ZNF385A: variants seen among roughly 807,000 people sequenced by gnomAD.
The protein encoded by ZNF385A is zinc finger protein 385A.
ZNF385A carries 14 observed loss-of-function variants against 32.1 expected under a neutral mutation model. That is an observed-to-expected ratio of 0.44 (90% CI 0.29 to 0.68). The LOEUF (loss-of-function observed/expected upper bound fraction) is 0.68, where lower values mean the gene tolerates loss of function less well. Among genes scored for constraint, ZNF385A ranks in the 30% least tolerant of loss-of-function variants. The pLI, the probability that ZNF385A is intolerant of heterozygous loss-of-function variation, is 0.14. For missense variants in ZNF385A, 406 were observed against 478.4 expected (o/e 0.85, Z 1.41); for synonymous variants, 197 against 202.7 (o/e 0.97, Z 0.24).
At position 54,384,467 on chromosome 12, in the gene ZNF385A, C is replaced by T; in HGVS notation, c.48G>A (p.Glu16=). The part of the protein sequence containing the change: ...DLKQILPFPL[E]PAPTLGLFSN... The stretch of plus-strand genomic sequence containing the variant: ...TGAAGAGGCCAAGGGTAGGGGCTGG[C>T]TCGAGTGGGAAGGGCAGGATCTGCT... The change falls in exon 1 of 7, where the codon GAG becomes GAA. Residue 16 remains glutamate (E), a synonymous_variant. Transcript: ENST00000394313. 6.3e-7 allele frequency: 1 copy of T among 1,590,576 alleles called. No individual in the cohort carries two copies. Among genetic ancestry groups the T allele is most frequent in the Non-Finnish European group, 8.6e-7 (1 of 1,169,196 alleles).
At chr12:54,389,764 G>A (rs899841163) in intron 1 of ZNF385A, among the ~76,000 whole-genome samples, 22 of 152,138 alleles carry the variant, frequency 1.4e-4, no homozygotes, top group Non-Finnish European at 1.0e-4. Flanking sequence ...AGTGCAATGT[G>A]TGCTGGTGGG....
In ZNF385A at chr12:54,384,520, G is replaced by A; in HGVS notation, c.-6C>T. ...AGGTCCAGTGGGGGCTGCATGATCG[G>A]GGGCTGCCGTAGCAGAGGCAGGGGC... is the stretch of plus-strand genomic sequence containing the variant. On this transcript the variant is annotated 5_prime_UTR_variant, in exon 1 of 7. Transcript: ENST00000394313. 1.3e-6 allele frequency: 2 copies of A among 1,526,256 alleles called. No homozygotes were observed. The highest frequency in any genetic ancestry group is 1.8e-6 in the Non-Finnish European group (2 of 1,140,242). The allele number at this position is 1,526,256 out of a possible 1,614,324, so 94.5% of individuals were successfully genotyped here. A position where few individuals can be genotyped will look rare whatever the true frequency, so the allele number is the denominator to read the frequency against.
upstream of ZNF385A, chr12:54,385,566 G>C (rs1165411764): frequency 1.1e-6 from 1 of 918,096 alleles, no homozygotes; most frequent in East Asian, 1.2e-4. Flanking sequence ...AGGAACAAAG[G>C]CAAACCGAGG....
At chr12:54,389,615 G>A (rs1400856100), upstream of ZNF385A, among the ~76,000 whole-genome samples, 1 of 152,186 alleles carries the variant, frequency 6.6e-6, no homozygotes, top group African/African-American at 2.4e-5. Context: ...TTCAGGGCCT[G>A]CTGACCAGGG....
At chr12:54,380,181 C>T (rs1955073676) in intron 1 of ZNF385A, among the ~76,000 whole-genome samples, 3 of 152,190 alleles carry the variant, frequency 2.0e-5, no homozygotes, top group Admixed American at 2.0e-4. Flanking sequence ...TGCCAGTCCA[C>T]TGGGAAAGAG....
chr12:54,379,742 C>G (rs145523149), intron 1 of ZNF385A, among the ~76,000 whole-genome samples: 1 of 152,188 alleles, frequency 6.6e-6, no homozygotes, highest in African/African-American at 2.4e-5. Flanking sequence ...CGACCTCAGA[C>G]TGGGGATGTC....
rs568667833 is a variant in ZNF385A at position 54,384,667 on chromosome 12, A to G, written c.-153T>C. 5 of 1,413,134 alleles carry G rather than the reference A, an allele frequency of 3.5e-6. No homozygotes were observed. The South Asian group carries it at 7.7e-5, about 22-fold the overall frequency. 87.5% of individuals were successfully genotyped at this position (1,413,134 alleles called of 1,614,324 possible). ...CCCTAGCCAGGGCCCCCACACTCAG[A>G]AGTGTCACCCTCAGTGCACATAGTG... On this transcript the variant is annotated 5_prime_UTR_variant, in exon 1 of 7. Coordinates refer to ENST00000394313, the MANE Select transcript of ZNF385A (RefSeq NM_015481.3).
Position 54,371,065 on chromosome 12 carries a change from T to C in ZNF385A, c.636A>G (p.Arg212=), listed in dbSNP as rs767136559. 28 of 1,612,206 alleles carry C rather than the reference T, an allele frequency of 1.7e-5. No homozygotes were observed. The highest frequency in any genetic ancestry group is 2.2e-5 in the East Asian group (1 of 44,858). Residue 212 remains arginine, a synonymous_variant, in exon 5 of 7, where the codon CGA becomes CGG. Coordinates refer to ENST00000394313, the MANE Select transcript of ZNF385A (RefSeq NM_015481.3). ...GTKHKTILEA[R]SGLGPIKAYP... ...AAGCTTTGATGGGCCCGAGCCCACT[T>C]CGGGCCTCCAGAATTGTCTTGTGCT... is the stretch of plus-strand genomic sequence containing the variant.
At position 54,370,093 on chromosome 12, in the gene ZNF385A, T is replaced by A; in HGVS notation, c.*163A>T. ...TGTTCCCCCCCTTCTGAAGCCCCCCTCCCCCGCTACCCCTCCCCTTTCCTG... is the reference window on the plus strand; with the variant it reads ...TGTTCCCCCCCTTCTGAAGCCCCCCACCCCCGCTACCCCTCCCCTTTCCTG... On this transcript the variant is annotated 3_prime_UTR_variant, in exon 7 of 7. Transcript: ENST00000394313. This position sits in a 1 kb window ranked among gnomAD's most constrained non-coding sequence, Gnocchi z 5.5. 7.6e-6 allele frequency: 4 copies of A among 527,466 alleles called. No homozygotes were observed. Among genetic ancestry groups the A allele is most frequent in the East Asian group, 3.5e-5 (1 of 28,572 alleles). 32.7% of individuals were successfully genotyped at this position (527,466 alleles called of 1,614,324 possible). A position where few individuals can be genotyped will look rare whatever the true frequency, so the allele number is the denominator to read the frequency against.
chr12:54,379,619 C>G (rs1955038872), intron 1 of ZNF385A, among the ~76,000 whole-genome samples: 1 of 152,120 alleles, frequency 6.6e-6, no homozygotes, highest in Admixed American at 6.5e-5. Context: ...TACCTTTTTA[C>G]AAGTCACTTC....
upstream of ZNF385A, among the ~76,000 whole-genome samples, chr12:54,387,309 G>C (rs561425333): frequency 6.6e-6 from 1 of 152,106 alleles, no homozygotes; most frequent in Admixed American, 6.6e-5. Flanking sequence ...TGGGAGAGAG[G>C]GGTCAAATGA....
At chr12:54,373,736 C>A (rs1053036501) in intron 3 of ZNF385A, among the ~76,000 whole-genome samples, 3 of 152,138 alleles carry the variant, frequency 2.0e-5, no homozygotes, top group Non-Finnish European at 4.4e-5. Context: ...CTCTGAGTCA[C>A]TGGGCTGTGG....
At chr12:54,381,874 A>G (rs891754664) in intron 1 of ZNF385A, among the ~76,000 whole-genome samples, 1 of 152,010 alleles carries the variant, frequency 6.6e-6, no homozygotes, top group Non-Finnish European at 1.5e-5. Flanking sequence ...CTTTCTTGAT[A>G]CTTGGGCTTC....
intron 2 of ZNF385A, among the ~76,000 whole-genome samples, chr12:54,374,506 C>T (rs974123261): frequency 1.3e-5 from 2 of 152,064 alleles, no homozygotes; most frequent in Admixed American, 6.6e-5. Context: ...CCTCTTAGAC[C>T]CCAAGGCTAT....
At chr12:54,383,967 T>G (rs2137286694) in intron 1 of ZNF385A, among the ~76,000 whole-genome samples, 1 of 152,260 alleles carries the variant, frequency 6.6e-6, no homozygotes, top group South Asian at 2.1e-4. Flanking sequence ...TAGACCACCT[T>G]GCCAGTCCTC....
chr12:54,384,667 A>T lies in ZNF385A; in HGVS notation c.-153T>A. Reference sequence around the variant, plus strand: ...CCCTAGCCAGGGCCCCCACACTCAGAAGTGTCACCCTCAGTGCACATAGTG... The same window carrying T: ...CCCTAGCCAGGGCCCCCACACTCAGTAGTGTCACCCTCAGTGCACATAGTG... On this transcript the variant is annotated 5_prime_UTR_variant, in exon 1 of 7. Transcript: ENST00000394313. 1 of 1,413,134 alleles carries T rather than the reference A, an allele frequency of 7.1e-7. No individual in the cohort carries two copies. The highest frequency in any genetic ancestry group is 1.5e-5 in the South Asian group (1 of 65,332). The allele number at this position is 1,413,134 out of a possible 1,614,324, so 87.5% of individuals were successfully genotyped here.
intron 1 of ZNF385A, chr12:54,379,236 C>G: frequency 1.0e-6 from 1 of 978,756 alleles, no homozygotes; most frequent in Non-Finnish European, 1.2e-6. Flanking sequence ...TGGCCCGGGC[C>G]GGAGCCCGCC....
chr12:54,376,734 C>T (rs1187178780), intron 1 of ZNF385A, among the ~76,000 whole-genome samples: 1 of 152,204 alleles, frequency 6.6e-6, no homozygotes, highest in African/African-American at 2.4e-5. Context: ...CAGCAGACGT[C>T]TTTGCAGTCT....
Position 54,370,541 on chromosome 12 carries a change from C to T in ZNF385A, c.871-55G>A, listed in dbSNP as rs966854887. ...AGTCACCCGGCGGTCCTGCAAACCC[C>T]ACCTCTCCCTGGGCAAAGCCCGCGT... On this transcript the variant is annotated intron_variant, in intron 6 of 6. Transcript: ENST00000394313. This position sits in a 1 kb window ranked among gnomAD's most constrained non-coding sequence, Gnocchi z 5.5. 1.9e-6 allele frequency: 3 copies of T among 1,550,640 alleles called. No homozygotes were observed. Among genetic ancestry groups the T allele is most frequent in the Non-Finnish European group, 1.7e-6 (2 of 1,146,484 alleles).
Sources: gnomAD v4.1 joint callset for allele counts (sites outside exome capture counted in the v4.1 genomes callset) on GRCh38, gnomAD v4.1.1 for gene constraint, Gnocchi (gnomAD v3.1) non-coding constraint, MANE v1.5 for transcripts, NCBI Gene and HGNC (gene_info 2026-07-23, HGNC 2026-07-21) for gene names.